PRR5L: variants seen among roughly 807,000 people sequenced by gnomAD.
The protein encoded by PRR5L is proline-rich protein 5-like.
Under a neutral mutation model 36.4 loss-of-function variants are expected in PRR5L, and 21 were observed. That is an observed-to-expected ratio of 0.58 (90% CI 0.41 to 0.83). The LOEUF (loss-of-function observed/expected upper bound fraction) is 0.83, where lower values mean the gene tolerates loss of function less well. Ranked by LOEUF, PRR5L falls within the 40% of genes least tolerant of loss-of-function variation. The pLI is 0.00. For missense variants in PRR5L, 381 were observed against 473.3 expected, an observed-to-expected ratio of 0.80 and a Z score of 1.81; for synonymous variants, 188 against 197.0, an observed-to-expected ratio of 0.95 and a Z score of 0.38.
intron 1 of PRR5L, among the ~76,000 whole-genome samples, chr11:36,300,796 G>A (rs751581451): frequency 6.6e-6 from 1 of 152,224 alleles, no homozygotes; most frequent in Admixed American, 6.5e-5. Flanking sequence ...TGCCAAGGCT[G>A]TGTCAGGTTC....
In PRR5L at chr11:36,401,080, C is replaced by T. The variant is rs757868880; in HGVS notation, c.-42C>T. 7 of 1,597,720 alleles carry T rather than the reference C, an allele frequency of 4.4e-6. No homozygotes were observed. Among genetic ancestry groups the T allele is most frequent in the Admixed American group, 1.7e-5 (1 of 58,470 alleles). ...AAGCCCTTTCCGAGGGCATTCGGAA[C>T]CTTCTGGTCCTAGAGGTGAAGCTGA... On this transcript the variant is annotated 5_prime_UTR_variant, in exon 2 of 9. Coordinates refer to ENST00000530639, the MANE Select transcript of PRR5L (RefSeq NM_001160167.2).
chr11:36,433,276 C>T (rs541918722), intron 5 of PRR5L, among the ~76,000 whole-genome samples: 1 of 152,192 alleles, frequency 6.6e-6, no homozygotes, highest in South Asian at 2.1e-4. Flanking sequence ...TTTCCTCAGC[C>T]CCCGACAGCC....
intron 1 of PRR5L, among the ~76,000 whole-genome samples, chr11:36,305,967 G>T (rs1183741523): frequency 6.6e-6 from 1 of 152,198 alleles, no homozygotes; most frequent in Non-Finnish European, 1.5e-5. Context: ...CATAAGATGT[G>T]TATAAAGGTG....
At chr11:36,408,094 C>G (rs1857947595) in intron 3 of PRR5L, among the ~76,000 whole-genome samples, 1 of 152,046 alleles carries the variant, frequency 6.6e-6, no homozygotes, top group African/African-American at 2.4e-5. Flanking sequence ...GCCAGCATGG[C>G]AAAACCCTGA....
At chr11:36,434,523 C>T (rs1344917063) in intron 5 of PRR5L, among the ~76,000 whole-genome samples, 1 of 152,162 alleles carries the variant, frequency 6.6e-6, no homozygotes, top group Non-Finnish European at 1.5e-5. Flanking sequence ...CCACTTATTG[C>T]TGTTTTGTGG....
At position 36,446,319 on chromosome 11, in the gene PRR5L, G is replaced by T. The variant is rs775976935; in HGVS notation, c.464G>T (p.Arg155Leu). ...YPVQGQELTI[R>L]QISLLGFRDL... Reference sequence around the variant, plus strand: ...CTCTAGGGCCAGGAGCTGACTATCCGCCAGATCTCCCTGCTGGGCTTCCGA... The same window carrying T: ...CTCTAGGGCCAGGAGCTGACTATCCTCCAGATCTCCCTGCTGGGCTTCCGA... Residue 155 changes from arginine (R) to leucine (L), a missense_variant, in exon 7 of 9, where the codon CGC becomes CTC. Physicochemically the swap from Arg to Leu is moderately radical, Grantham distance 102 (BLOSUM62 -2). Coordinates refer to ENST00000530639, the MANE Select transcript of PRR5L (RefSeq NM_001160167.2). The T allele has an allele frequency of 6.2e-7, 1 of 1,613,688 alleles. No individual in the cohort carries two copies. Among genetic ancestry groups the T allele is most frequent in the African/African-American group, 1.3e-5 (1 of 74,892 alleles).
At chr11:36,364,709 C>T (rs1857126770) in intron 1 of PRR5L, among the ~76,000 whole-genome samples, 1 of 152,206 alleles carries the variant, frequency 6.6e-6, no homozygotes, top group Non-Finnish European at 1.5e-5. Context: ...TAGCCAGGAC[C>T]TCAAGCCAGC....
chr11:36,343,725 G>A (rs58734089), intron 1 of PRR5L, among the ~76,000 whole-genome samples: 2 of 152,118 alleles, frequency 1.3e-5, no homozygotes, highest in Non-Finnish European at 2.9e-5. Context: ...ACGTACATAA[G>A]GTATGTGATT....
intron 5 of PRR5L, among the ~76,000 whole-genome samples, chr11:36,432,956 AG>A (rs1456167789): frequency 6.6e-6 from 1 of 152,224 alleles, no homozygotes; most frequent in Non-Finnish European, 1.5e-5. Flanking sequence ...TGGGAAGAAT[AG>A]AGGTTAGAAA....
chr11:36,298,232 C>T (rs1456256613), intron 1 of PRR5L, among the ~76,000 whole-genome samples: 2 of 152,072 alleles, frequency 1.3e-5, no homozygotes, highest in Non-Finnish European at 1.5e-5. Context: ...GTACCAGAGA[C>T]CAGTTTTGTA....
chr11:36,402,664 G>C (rs1317079580), intron 2 of PRR5L, among the ~76,000 whole-genome samples: 1 of 152,208 alleles, frequency 6.6e-6, no homozygotes, highest in Non-Finnish European at 1.5e-5. Flanking sequence ...GAAAGGCCAG[G>C]GGCCTTAATA....
chr11:36,419,443 G>C (rs1030008453), intron 4 of PRR5L, 140 bp downstream of exon 4: 1 of 743,724 alleles, frequency 1.3e-6, no homozygotes, highest in African/African-American at 1.7e-5. Context: ...TGTGCTGCAC[G>C]TTGCAGAGGG....
At chr11:36,363,993 A>G (rs1857120175) in intron 1 of PRR5L, among the ~76,000 whole-genome samples, 1 of 152,144 alleles carries the variant, frequency 6.6e-6, no homozygotes, top group Non-Finnish European at 1.5e-5. Context: ...TCACTTTTAA[A>G]TAAGGCACCT....
At chr11:36,374,105 C>CCTTCCTGCCT (rs776652107) in intron 1 of PRR5L, among the ~76,000 whole-genome samples, 1,232 of 67,728 alleles carry the variant, frequency 0.018, 39 homozygotes, top group African/African-American at 0.062. Context: ...TTCCTTCCTT[C>CCTTCCTGCCT]CTCTCTCTCT....
chr11:36,450,452 G>T (rs1247549048), intron 7 of PRR5L, among the ~76,000 whole-genome samples: 3 of 152,138 alleles, frequency 2.0e-5, no homozygotes, highest in Non-Finnish European at 1.5e-5. Flanking sequence ...CCAGGAGTCT[G>T]CCAGTTTTCT....
Position 36,341,610 on chromosome 11 carries a change from C to G in PRR5L, c.-126+45172C>G, listed in dbSNP as rs146204569. ...AGCTCTGGAGCTCCCAATTCTGAAT[C>G]TGGCCAAGTGACCATGAGCTTGTTT... On this transcript the variant is annotated intron_variant, in intron 1 of 8. Coordinates refer to ENST00000530639, the MANE Select transcript of PRR5L (RefSeq NM_001160167.2). Among the ~76,000 whole-genome samples, 431 of 152,338 alleles carry G rather than the reference C, an allele frequency of 2.8e-3. 3 individuals carry two copies. The highest frequency in any genetic ancestry group is 9.9e-3 in the African/African-American group (412 of 41,574).
At chr11:36,362,176 A>T (rs1385574622) in intron 1 of PRR5L, 6 of 144,816 alleles carry the variant, frequency 4.1e-5, no homozygotes, top group Admixed American at 6.8e-5. Flanking sequence ...ACTTGCTCCG[A>T]GTGATGTAGG....
chr11:36,462,319 CTT>C, intron 8 of PRR5L, 21 bp from the exon 9 acceptor site: 3 of 1,491,016 alleles, frequency 2.0e-6, no homozygotes, highest in South Asian at 2.8e-5. Flanking sequence ...CAATAACAGT[CTT>C]TGCTGATTTT....
chr11:36,448,500 T>C (rs1858879540), intron 7 of PRR5L, among the ~76,000 whole-genome samples: 1 of 152,112 alleles, frequency 6.6e-6, no homozygotes, highest in Non-Finnish European at 1.5e-5. Context: ...TCTTCTGGGG[T>C]CCTCAAGCCC....
Sources: gnomAD v4.1 joint callset for allele counts (sites outside exome capture counted in the v4.1 genomes callset) on GRCh38, gnomAD v4.1.1 for gene constraint, MANE v1.5 for transcripts, NCBI Gene and HGNC (gene_info 2026-07-23, HGNC 2026-07-21) for gene names.